The following MCUR1 variants were observed in gnomAD, a reference collection of about 807,000 sequenced individuals.
MCUR1 encodes mitochondrial calcium uniporter regulator 1.
MCUR1 carries 37 observed loss-of-function variants against 42.0 expected under a neutral mutation model. The ratio of observed to expected loss-of-function variants is 0.88; its 90% CI spans 0.68 to 1.16. The LOEUF (loss-of-function observed/expected upper bound fraction) is 1.16. Ranked by LOEUF, MCUR1 falls within the 50% of genes most tolerant of loss-of-function variation. The probability of loss-of-function intolerance (pLI) is 0.00; values close to 1 mark genes in which losing one functional copy is unlikely to be tolerated. For synonymous variants in MCUR1, 229 were observed against 196.2 expected, an observed-to-expected ratio of 1.17 and a Z score of -1.40; for missense variants, 469 against 468.4, an observed-to-expected ratio of 1.00 and a Z score of -0.01.
At chr6:13,798,744 C>T in intron 6 of MCUR1, 89 bp downstream of exon 6, 1 of 899,696 alleles carries the variant, frequency 1.1e-6, no homozygotes, top group East Asian at 2.6e-5. Context: ...TTAACAGTAC[C>T]TATGACATGT....
At chr6:13,806,115 G>T (rs899285340) in intron 2 of MCUR1, among the ~76,000 whole-genome samples, 5 of 152,056 alleles carry the variant, frequency 3.3e-5, no homozygotes, top group Non-Finnish European at 7.4e-5. Flanking sequence ...TTAGCTGGGC[G>T]TGGAGGCTCG....
At chr6:13,792,291 T>TG (rs1438416086) in intron 7 of MCUR1, among the ~76,000 whole-genome samples, 7 of 152,284 alleles carry the variant, frequency 4.6e-5, no homozygotes, top group African/African-American at 1.4e-4. Flanking sequence ...ATAATCTATG[T>TG]GAAAAAGCAT....
Position 13,807,053 on chromosome 6 carries a change from G to A in MCUR1, c.416-9C>T. 1 of 1,596,866 alleles carries A rather than the reference G, an allele frequency of 6.3e-7. No homozygotes were observed. Among genetic ancestry groups the A allele is most frequent in the East Asian group, 2.2e-5 (1 of 44,520 alleles). On this transcript the variant is annotated splice_polypyrimidine_tract_variant and intron_variant, in intron 1 of 8. Transcript: ENST00000379170. Reference sequence around the variant, plus strand: ...AGCAGACAAGCTTAGCTCTAGGGTGGAAAGGACAGTAAGCTCAAAACAGAC... The same window carrying A: ...AGCAGACAAGCTTAGCTCTAGGGTGAAAAGGACAGTAAGCTCAAAACAGAC...
chr6:13,806,874 T>A (rs1276164184), intron 2 of MCUR1, 51 bp downstream of exon 2: 1 of 1,517,322 alleles, frequency 6.6e-7, no homozygotes, highest in Non-Finnish European at 8.9e-7. Context: ...AGAGAAGTCA[T>A]AATTTAAAGT....
intron 6 of MCUR1, among the ~76,000 whole-genome samples, chr6:13,798,255 C>T (rs1283649860): frequency 1.3e-5 from 2 of 151,398 alleles, no homozygotes; most frequent in East Asian, 4.0e-4. Context: ...GCCACCATGC[C>T]CGGCTTATTT....
intron 1 of MCUR1, among the ~76,000 whole-genome samples, chr6:13,813,215 G>C (rs1421593472): frequency 6.6e-6 from 1 of 152,038 alleles, no homozygotes; most frequent in African/African-American, 2.4e-5. Flanking sequence ...GGAAGAAGTC[G>C]CCTAATGACT....
rs3832437 is a variant in MCUR1 at position 13,787,330 on chromosome 6, GC to G, written c.*3478del. 3 of 152,268 alleles carry G rather than the reference GC, an allele frequency of 2.0e-5. No homozygotes were observed. In the East Asian group the frequency reaches 5.8e-4, roughly 29 times the overall value. 9.4% of individuals were successfully genotyped at this position (152,268 alleles called of 1,614,324 possible). On this transcript the variant is annotated 3_prime_UTR_variant, in exon 9 of 9. Coordinates refer to ENST00000379170, the MANE Select transcript of MCUR1 (RefSeq NM_001031713.4). The stretch of plus-strand genomic sequence containing the variant: ...CAGCAAGACTTCTGGTTTGAGTCAA[GC>G]CTTTCAACCGAGGTGCTTGGCATAC...
At chr6:13,801,035 G>C (rs576611424) in intron 4 of MCUR1, among the ~76,000 whole-genome samples, 1 of 152,244 alleles carries the variant, frequency 6.6e-6, no homozygotes, top group South Asian at 2.1e-4. Flanking sequence ...CCATCAAATG[G>C]TTCTAGAATA....
intron 6 of MCUR1, among the ~76,000 whole-genome samples, chr6:13,794,570 A>G (rs1437462990): frequency 6.6e-6 from 1 of 152,228 alleles, no homozygotes; most frequent in African/African-American, 2.4e-5. Flanking sequence ...ATTCTATGAC[A>G]AAGACATTGT....
At chr6:13,803,985 T>G in intron 2 of MCUR1, 1 of 957,282 alleles carries the variant, frequency 1.0e-6, no homozygotes, top group Non-Finnish European at 1.2e-6. Flanking sequence ...AAATAAAATT[T>G]TAAAAAATTT....
chr6:13,802,543 C>T (rs1328550321), intron 2 of MCUR1, among the ~76,000 whole-genome samples, 197 bp from the exon 3 acceptor site: 1 of 152,130 alleles, frequency 6.6e-6, no homozygotes, highest in Non-Finnish European at 1.5e-5. Context: ...GTTGGCTTCC[C>T]CAGGTACCGG....
chr6:13,799,729 C>T (rs543361126), intron 5 of MCUR1, among the ~76,000 whole-genome samples: 1 of 151,698 alleles, frequency 6.6e-6, no homozygotes, highest in South Asian at 2.1e-4. Context: ...GTGTGATTCT[C>T]TAAAGACAGT....
chr6:13,798,437 A>G (rs1305575060), intron 6 of MCUR1, among the ~76,000 whole-genome samples: 1 of 151,752 alleles, frequency 6.6e-6, no homozygotes, highest in African/African-American at 2.4e-5. Context: ...ATATAATTTA[A>G]TATTATTTAA....
rs371880117 is a variant in MCUR1, at chr6:13,789,206, G to C, written c.*1603C>G. The C allele has an allele frequency of 6.6e-6, 1 of 152,278 alleles. No individual in the cohort carries two copies. The highest frequency in any genetic ancestry group is 1.5e-5 in the Non-Finnish European group (1 of 68,094). 9.4% of individuals were successfully genotyped at this position (152,278 alleles called of 1,614,324 possible). ...TCACGAGGTCAGGAGTTAGAGACCA[G>C]CCTGGCCAACATGGTGAAACCTCAT... On this transcript the variant is annotated 3_prime_UTR_variant, in exon 9 of 9. Coordinates refer to ENST00000379170, the MANE Select transcript of MCUR1 (RefSeq NM_001031713.4).
At position 13,806,804 on chromosome 6, in the gene MCUR1, A is replaced by G. The variant is rs551433811; in HGVS notation, c.535+121T>C. The G allele has an allele frequency of 3.5e-5, 42 of 1,203,826 alleles. No individual in the cohort carries two copies. The Middle Eastern group carries it at 1.5e-3, about 42-fold the overall frequency. 74.6% of individuals were successfully genotyped at this position (1,203,826 alleles called of 1,614,324 possible). ...AGCCTGTCTCTAAATAAATTAATTA[A>G]TTAAACACAAATAAAAAATAGAAGT... On this transcript the variant is annotated intron_variant, in intron 2 of 8. Transcript: ENST00000379170.
chr6:13,804,497 G>C (rs1389485312), intron 2 of MCUR1, among the ~76,000 whole-genome samples: 4 of 151,752 alleles, frequency 2.6e-5, no homozygotes, highest in African/African-American at 9.7e-5. Flanking sequence ...AGTCTTGGCC[G>C]GGCGCGGTGG....
chr6:13,814,033 G>A lies in MCUR1; in HGVS notation c.397C>T (p.Leu133Phe), dbSNP rs1760301516. Residue 133 changes from leucine to phenylalanine, a missense_variant, in exon 1 of 9, where the codon CTC (leucine) becomes TTC (phenylalanine). By Grantham distance (22) the Leu-to-Phe change is conservative (BLOSUM62 0). Transcript: ENST00000379170. Reference protein sequence around the residue: ...LPQYHGPAPALVSCRRELSLS... With the variant: ...LPQYHGPAPAFVSCRRELSLS... ...GCCTCACCTCTCCTGCAGGAAACGAGTGCAGGCGCCGGGCCGTGGTACTGG... is the reference window on the plus strand; with the variant it reads ...GCCTCACCTCTCCTGCAGGAAACGAATGCAGGCGCCGGGCCGTGGTACTGG... 1 of 1,236,574 alleles carries A rather than the reference G, an allele frequency of 8.1e-7. No homozygotes were observed. Among genetic ancestry groups the A allele is most frequent in the Non-Finnish European group, 1.0e-6 (1 of 990,934 alleles). The allele number at this position is 1,236,574 out of a possible 1,614,324, so 76.6% of individuals were successfully genotyped here.
chr6:13,804,209 G>C, intron 2 of MCUR1: 1 of 202,062 alleles, frequency 4.9e-6, no homozygotes, highest in Non-Finnish European at 1.1e-5. Context: ...TGTAATCCCA[G>C]CTACTCAGGA....
chr6:13,813,595 G>C (rs1001183664), intron 1 of MCUR1, among the ~76,000 whole-genome samples: 6 of 152,130 alleles, frequency 3.9e-5, no homozygotes, highest in Non-Finnish European at 8.8e-5. Context: ...ATCAGAATTT[G>C]AAATCAAACT....
Sources: allele counts gnomAD v4.1 joint callset (sites outside exome capture counted in the v4.1 genomes callset), GRCh38; gene constraint gnomAD v4.1.1; transcripts MANE v1.5; gene names NCBI Gene and HGNC (gene_info 2026-07-23, HGNC 2026-07-21).